Variants in CACNA2D3 observed in about 807,000 individuals in gnomAD.
CACNA2D3 encodes voltage-dependent calcium channel subunit alpha-2/delta-3.
A neutral mutation model predicts 160.6 loss-of-function variants in CACNA2D3; 60 were observed. The observed-to-expected ratio is 0.37, with a 90% CI of 0.30 to 0.46. CACNA2D3 has a LOEUF of 0.46. Among genes scored for constraint, CACNA2D3 ranks in the 20% least tolerant of loss-of-function variants. CACNA2D3 has a pLI of 1.00. For missense variants in CACNA2D3, 1,205 were observed against 1,365.0 expected, an observed-to-expected ratio of 0.88 and a Z score of 1.85; for synonymous variants, 558 against 492.9, an observed-to-expected ratio of 1.13 and a Z score of -1.75.
chr3:54,261,793 G>T (rs773429804), intron 2 of CACNA2D3, among the ~76,000 whole-genome samples: 5 of 152,160 alleles, frequency 3.3e-5, no homozygotes, highest in South Asian at 2.1e-4. Flanking sequence ...GGAAAGTTAG[G>T]ATTGTGACCC....
At chr3:54,709,344 T>G (rs978066605) in intron 11 of CACNA2D3, among the ~76,000 whole-genome samples, 4 of 146,108 alleles carry the variant, frequency 2.7e-5, no homozygotes, top group African/African-American at 1.0e-4. Context: ...TGCAGACTGC[T>G]TAAAGTCCTC....
rs527603192 is a variant in CACNA2D3 at position 54,472,592 on chromosome 3, A to G, written c.382-30900A>G. ...ATTCAAATAGGAAGAGAAGAAGTCA[A>G]ATTGTGTCTGTTTGCAGATGACATG... On this transcript the variant is annotated intron_variant, in intron 4 of 37. Transcript: ENST00000474759. Among the ~76,000 whole-genome samples the G allele has an allele frequency of 2.6e-5, 4 of 152,352 alleles. No homozygotes were observed. In the East Asian group the frequency reaches 7.7e-4, roughly 29 times the overall value.
intron 31 of CACNA2D3, among the ~76,000 whole-genome samples, chr3:54,990,554 A>G (rs981800339): frequency 7.2e-5 from 11 of 152,136 alleles, no homozygotes; most frequent in Non-Finnish European, 1.3e-4. Context: ...AAAGAAAGAA[A>G]GAAACAAGTT....
intron 5 of CACNA2D3, among the ~76,000 whole-genome samples, chr3:54,520,902 A>G (rs76880066): frequency 0.11 from 16,767 of 152,232 alleles, 973 homozygotes; most frequent in African/African-American, 0.14. Context: ...ACTTAGCACA[A>G]TGCTTTCAAG....
intron 2 of CACNA2D3, among the ~76,000 whole-genome samples, chr3:54,298,815 G>T (rs1575379710): frequency 1.1e-5 from 1 of 89,622 alleles, no homozygotes. Flanking sequence ...GGCTCCAGAA[G>T]GCAGTGGCTC....
chr3:54,462,640 C>T (rs1700528839), intron 4 of CACNA2D3, among the ~76,000 whole-genome samples: 1 of 152,156 alleles, frequency 6.6e-6, no homozygotes, highest in Non-Finnish European at 1.5e-5. Flanking sequence ...AGATCTTCCT[C>T]CATCCTTTTA....
chr3:54,447,585 G>T (rs1379083698), intron 4 of CACNA2D3, among the ~76,000 whole-genome samples: 1 of 152,204 alleles, frequency 6.6e-6, no homozygotes, highest in Non-Finnish European at 1.5e-5. Context: ...TTAGATTCTT[G>T]TTGGCCTTGA....
intron 3 of CACNA2D3, among the ~76,000 whole-genome samples, chr3:54,333,805 C>A (rs11719855): frequency 0.085 from 12,939 of 152,322 alleles, 613 homozygotes; most frequent in Middle Eastern, 0.14. Flanking sequence ...TTGGACAATT[C>A]ATGGGTGGAG....
At chr3:54,698,128 G>C (rs1402096658) in intron 11 of CACNA2D3, among the ~76,000 whole-genome samples, 1 of 144,412 alleles carries the variant, frequency 6.9e-6, no homozygotes, top group Non-Finnish European at 1.5e-5. Context: ...TTCAGATCCT[G>C]GCGACAATTG....
At chr3:54,774,629 ATTT>A (rs111655457) in intron 13 of CACNA2D3, among the ~76,000 whole-genome samples, 2 of 107,910 alleles carry the variant, frequency 1.9e-5, no homozygotes, top group African/African-American at 7.6e-5. Flanking sequence ...CTCTTTGACT[ATTT>A]TTTTTTTTTT....
intron 4 of CACNA2D3, among the ~76,000 whole-genome samples, chr3:54,445,877 A>T (rs1305827514): frequency 6.6e-6 from 1 of 152,118 alleles, no homozygotes; most frequent in Non-Finnish European, 1.5e-5. Context: ...ACCTCTCATG[A>T]ACTTGTCTCA....
At chr3:54,800,805 C>G (rs1278385199) in intron 13 of CACNA2D3, among the ~76,000 whole-genome samples, 1 of 152,154 alleles carries the variant, frequency 6.6e-6, no homozygotes, top group Non-Finnish European at 1.5e-5. Flanking sequence ...AGTGACCAGT[C>G]CACATTGCTG....
chr3:54,360,747 A>G (rs1437932423), intron 3 of CACNA2D3, among the ~76,000 whole-genome samples: 1 of 152,120 alleles, frequency 6.6e-6, no homozygotes, highest in South Asian at 2.1e-4. Context: ...ATGTATTTAT[A>G]TATCATTCAT....
At chr3:54,347,239 A>T (rs1698475748) in intron 3 of CACNA2D3, among the ~76,000 whole-genome samples, 1 of 152,154 alleles carries the variant, frequency 6.6e-6, no homozygotes, top group Admixed American at 6.5e-5. Flanking sequence ...AGCTGCAGGG[A>T]GGGAGTGGCT....
intron 2 of CACNA2D3, among the ~76,000 whole-genome samples, chr3:54,233,687 C>T (rs1313414210): frequency 6.6e-6 from 1 of 152,170 alleles, no homozygotes; most frequent in Non-Finnish European, 1.5e-5. Flanking sequence ...AACTTCTTGG[C>T]ATTCTAATCC....
At chr3:54,621,855 C>T (rs1369140190) in intron 9 of CACNA2D3, among the ~76,000 whole-genome samples, 1 of 152,188 alleles carries the variant, frequency 6.6e-6, no homozygotes, top group South Asian at 2.1e-4. Flanking sequence ...GAGATGTAGT[C>T]TGTTTTAATT....
chr3:54,942,683 G>A (rs1330864262), intron 27 of CACNA2D3, among the ~76,000 whole-genome samples: 11 of 152,010 alleles, frequency 7.2e-5, no homozygotes, highest in Non-Finnish European at 1.5e-4. Flanking sequence ...GAGGACAGGA[G>A]TTTGAGACCA....
At chr3:54,920,316 G>C (rs907266881) in intron 27 of CACNA2D3, among the ~76,000 whole-genome samples, 3 of 152,148 alleles carry the variant, frequency 2.0e-5, no homozygotes, top group Non-Finnish European at 4.4e-5. Context: ...GCAGTGCAAG[G>C]ATTATCAGGT....
chr3:54,176,841 G>A (rs939922215), intron 2 of CACNA2D3, among the ~76,000 whole-genome samples: 4 of 152,038 alleles, frequency 2.6e-5, no homozygotes, highest in Non-Finnish European at 5.9e-5. Flanking sequence ...TTCTCCTTTG[G>A]TTGGGGTTGG....
Sources: allele counts gnomAD v4.1 joint callset (sites outside exome capture counted in the v4.1 genomes callset), GRCh38; gene constraint gnomAD v4.1.1; transcripts MANE v1.5; gene names NCBI Gene and HGNC (gene_info 2026-07-23, HGNC 2026-07-21).